GRIK2: variants seen among roughly 807,000 people sequenced by gnomAD.
The protein encoded by GRIK2 is glutamate ionotropic receptor kainate type subunit 2, also known as glutamate receptor ionotropic, kainate 2.
In GRIK2, 32 loss-of-function variants were observed where a neutral mutation model predicts 100.3. The observed-to-expected ratio is 0.32, with a 90% CI of 0.24 to 0.43. The LOEUF (loss-of-function observed/expected upper bound fraction) is 0.43, where lower values mean the gene tolerates loss of function less well. Among genes scored for constraint, GRIK2 ranks in the 20% least tolerant of loss-of-function variants. The pLI, the probability that GRIK2 is intolerant of heterozygous loss-of-function variation, is 1.00. For missense variants in GRIK2, 843 were observed against 1,114.9 expected (o/e 0.76, Z 3.47); for synonymous variants, 417 against 389.4 (o/e 1.07, Z -0.83).
At chr6:102,015,427 C>G in intron 14 of GRIK2, among the ~76,000 whole-genome samples, 1 of 152,160 alleles carries the variant, frequency 6.6e-6, no homozygotes, top group East Asian at 1.9e-4. Context: ...AGGCATTTAG[C>G]CCATTTACAT....
chr6:101,945,114 C>T (rs749408929), intron 14 of GRIK2, among the ~76,000 whole-genome samples: 21 of 151,922 alleles, frequency 1.4e-4, no homozygotes, highest in Non-Finnish European at 2.1e-4. Context: ...GTACTTAGTT[C>T]AATTATTGGA....
chr6:102,063,534 T>C (rs1179035335), intron 16 of GRIK2, among the ~76,000 whole-genome samples: 1 of 150,756 alleles, frequency 6.6e-6, no homozygotes, highest in Non-Finnish European at 1.5e-5. Context: ...ATGTCAATTA[T>C]CAATGTGGAG....
At chr6:101,505,924 A>C (rs1402776065) in intron 2 of GRIK2, among the ~76,000 whole-genome samples, 1 of 152,104 alleles carries the variant, frequency 6.6e-6, no homozygotes, top group Admixed American at 6.6e-5. Context: ...AAACATGCAA[A>C]AAGGCTTTAA....
intron 8 of GRIK2, among the ~76,000 whole-genome samples, chr6:101,801,240 T>C (rs549455896): frequency 1.3e-3 from 197 of 152,216 alleles, no homozygotes; most frequent in Middle Eastern, 0.01. Flanking sequence ...ACTTTTATAC[T>C]ATTGTCCATT....
At chr6:101,568,155 G>A (rs7754173) in intron 2 of GRIK2, among the ~76,000 whole-genome samples, 13,689 of 151,880 alleles carry the variant, frequency 0.09, 1,591 homozygotes, top group African/African-American at 0.27. Flanking sequence ...CTAAACATAA[G>A]TGTTAATCTT....
chr6:101,631,673 G>T (rs1780749701), intron 4 of GRIK2, among the ~76,000 whole-genome samples: 1 of 151,724 alleles, frequency 6.6e-6, no homozygotes. Context: ...TCTTTTTTTG[G>T]CTCGACAACA....
chr6:101,495,696 C>T (rs1184992612), intron 2 of GRIK2, among the ~76,000 whole-genome samples: 1 of 152,042 alleles, frequency 6.6e-6, no homozygotes, highest in Non-Finnish European at 1.5e-5. Flanking sequence ...GTTTTTAAGG[C>T]TTCTGATTCA....
Position 102,055,404 on chromosome 6 carries a change from G to C in GRIK2, c.2386G>C (p.Glu796Gln), listed in dbSNP as rs1238082875. 6.2e-7 allele frequency: 1 copy of C among 1,613,172 alleles called. No individual in the cohort carries two copies. The highest frequency in any genetic ancestry group is 8.5e-7 in the Non-Finnish European group (1 of 1,179,342). The change falls in exon 16 of 17, where the codon GAG becomes CAG. Residue 796 changes from glutamate (E) to glutamine (Q), a missense_variant. Transcript: ENST00000369134. ...GGAAGGCAAACTGCATATGATGAAG[G>C]AGAAATGGTGGAGGGGCAATGGTTG... ...QEEGKLHMMK[E>Q]KWWRGNGCPE... is the part of the protein sequence containing the mutation.
At chr6:101,983,901 C>CAT (rs965428590) in intron 14 of GRIK2, among the ~76,000 whole-genome samples, 3 of 151,386 alleles carry the variant, frequency 2.0e-5, no homozygotes, top group Non-Finnish European at 4.4e-5. Context: ...TGAGAATCAC[C>CAT]ATATATATAT....
At chr6:101,838,351 C>T (rs1457476775) in intron 10 of GRIK2, among the ~76,000 whole-genome samples, 1 of 152,088 alleles carries the variant, frequency 6.6e-6, no homozygotes, top group African/African-American at 2.4e-5. Flanking sequence ...AGCCATTAAT[C>T]TAGTGATGGG....
At chr6:101,472,171 A>G (rs1771979201) in intron 2 of GRIK2, among the ~76,000 whole-genome samples, 1 of 151,852 alleles carries the variant, frequency 6.6e-6, no homozygotes, top group Non-Finnish European at 1.5e-5. Context: ...TTCAGATGGC[A>G]TGCTTGTGAT....
chr6:101,626,763 G>C (rs1780459403), intron 4 of GRIK2, 126 bp downstream of exon 4: 1 of 730,632 alleles, frequency 1.4e-6, no homozygotes, highest in Admixed American at 3.0e-5. Context: ...CTAAGGGGTA[G>C]AAAGACAGAA....
intron 14 of GRIK2, among the ~76,000 whole-genome samples, chr6:101,946,450 A>T (rs1791281699): frequency 6.6e-6 from 1 of 151,984 alleles, no homozygotes; most frequent in African/African-American, 2.4e-5. Flanking sequence ...AGGATCATTT[A>T]AGCCTGGGAG....
At position 102,069,288 on chromosome 6, in the gene GRIK2, A is replaced by G. The variant is rs1582819500; in HGVS notation, c.*777A>G. 7.4e-6 allele frequency: 1 copy of G among 134,702 alleles called. No homozygotes were observed. The highest frequency in any genetic ancestry group is 3.0e-5 in the African/African-American group (1 of 33,140). The allele number at this position is 134,702 out of a possible 1,614,324, so 8.3% of individuals were successfully genotyped here. A position where few individuals can be genotyped will look rare whatever the true frequency, so the allele number is the denominator to read the frequency against. On this transcript the variant is annotated 3_prime_UTR_variant, in exon 17 of 17. Coordinates refer to ENST00000369134, the MANE Select transcript of GRIK2 (RefSeq NM_021956.5). ...CCCCAACACCTTTTCTCTAACCCCC[A>G]TATCCCAAATAATAATAATAATAAT...
intron 7 of GRIK2, among the ~76,000 whole-genome samples, chr6:101,784,228 C>A (rs1283204578): frequency 6.6e-6 from 1 of 152,222 alleles, no homozygotes; most frequent in East Asian, 1.9e-4. Context: ...CAGGGCCCTG[C>A]TACTCTATGC....
chr6:101,545,183 TA>T (rs1476352675), intron 2 of GRIK2, among the ~76,000 whole-genome samples: 1 of 152,194 alleles, frequency 6.6e-6, no homozygotes, highest in Admixed American at 6.5e-5. Flanking sequence ...AATATTTAGT[TA>T]TGCCACTGGG....
At chr6:101,525,865 C>T (rs1221471567) in intron 2 of GRIK2, among the ~76,000 whole-genome samples, 3 of 152,164 alleles carry the variant, frequency 2.0e-5, no homozygotes, top group Non-Finnish European at 4.4e-5. Flanking sequence ...TTCCTACTTT[C>T]TCTTCTGAGT....
intron 10 of GRIK2, among the ~76,000 whole-genome samples, chr6:101,855,293 G>T (rs1582388534): frequency 6.6e-6 from 1 of 152,084 alleles, no homozygotes; most frequent in African/African-American, 2.4e-5. Context: ...ATACTCATGG[G>T]TTTATGTCAT....
At position 101,843,546 on chromosome 6, in the gene GRIK2, C is replaced by T. The variant is rs116404394; in HGVS notation, c.1318-15741C>T. Among the ~76,000 whole-genome samples, 888 of 152,206 alleles carry T rather than the reference C, an allele frequency of 5.8e-3. 7 individuals are homozygous for T. The highest frequency in any genetic ancestry group is 0.02 in the African/African-American group (822 of 41,528). ...TGAAAATGAGGGATCTCTTGTTGAA[C>T]AAGTACTAAGAATTTCAAAAGGACA... On this transcript the variant is annotated intron_variant, in intron 10 of 16. Transcript: ENST00000369134.
Sources: gnomAD v4.1 joint callset for allele counts (sites outside exome capture counted in the v4.1 genomes callset) on GRCh38, gnomAD v4.1.1 for gene constraint, MANE v1.5 for transcripts, NCBI Gene and HGNC (gene_info 2026-07-23, HGNC 2026-07-21) for gene names.